Variants in SMAD9 observed in about 807,000 individuals in gnomAD.
SMAD9 encodes SMAD family member 9.
SMAD9 carries 36 observed loss-of-function variants against 46.1 expected under a neutral mutation model. The observed-to-expected ratio is 0.78, with a 90% CI of 0.60 to 1.03. The LOEUF (loss-of-function observed/expected upper bound fraction) is 1.03, where lower values mean the gene tolerates loss of function less well. Among genes scored for constraint, SMAD9 ranks in the 50% least tolerant of loss-of-function variants. The probability of loss-of-function intolerance (pLI) is 0.00; values close to 1 mark genes in which losing one functional copy is unlikely to be tolerated. For missense variants in SMAD9, 572 were observed against 599.8 expected, an observed-to-expected ratio of 0.95 and a Z score of 0.48; for synonymous variants, 245 against 237.1, an observed-to-expected ratio of 1.03 and a Z score of -0.31.
chr13:36,853,825 A>AGTTTAATGATAATCTG, intron 5 of SMAD9, 150 bp from the exon 6 acceptor site: 2 of 821,348 alleles, frequency 2.4e-6, no homozygotes, highest in Admixed American at 3.9e-5. Context: ...AATGCCGCTT[A>AGTTTAATGATAATCTG]GTTTAATGAT....
intron 2 of SMAD9, among the ~76,000 whole-genome samples, chr13:36,874,854 C>CAAAAAAAAAAA (rs529721275): frequency 1.5e-5 from 1 of 66,066 alleles, no homozygotes; most frequent in African/African-American, 6.1e-5. Flanking sequence ...GACTCCGTCC[C>CAAAAAAAAAAA]AAAAAAAAAA....
chr13:36,903,814 A>G (rs562445606), intron 1 of SMAD9, among the ~76,000 whole-genome samples: 20 of 152,314 alleles, frequency 1.3e-4, no homozygotes, highest in African/African-American at 4.3e-4. Flanking sequence ...GTCAAATTAA[A>G]TAACCTGGCA....
At chr13:36,890,875 T>C (rs1176340269) in intron 1 of SMAD9, among the ~76,000 whole-genome samples, 2 of 151,578 alleles carry the variant, frequency 1.3e-5, no homozygotes, top group Non-Finnish European at 2.9e-5. Context: ...ACAGGAGGAA[T>C]GTGAGCTGGT....
chr13:36,867,278 T>C lies in SMAD9; in HGVS notation c.776A>G (p.Asn259Ser). 1 of 1,537,344 alleles carries C rather than the reference T, an allele frequency of 6.5e-7. No homozygotes were observed. The highest frequency in any genetic ancestry group is 1.4e-5 in the African/African-American group (1 of 72,876). The change falls in exon 4 of 7, where the codon AAT becomes AGT. Residue 259 changes from asparagine (N) to serine (S), a missense_variant. Asn to Ser is a conservative substitution (Grantham distance 46, BLOSUM62 1). Coordinates refer to ENST00000379826, the MANE Select transcript of SMAD9 (RefSeq NM_001127217.3). ...ACTGTTCATCTGCAATTTACCTCCA[T>C]TTGGTATCGATAGCACTACATGTCT... ...ADRHVVLSIP[N>S]GDFRPVCYEE...
intron 6 of SMAD9, among the ~76,000 whole-genome samples, chr13:36,852,861 TC>T (rs766880648): frequency 6.6e-6 from 1 of 152,244 alleles, no homozygotes; most frequent in East Asian, 1.9e-4. Flanking sequence ...TACTTTATCA[TC>T]TGCATTAAAA....
At chr13:36,892,842 C>G (rs1443334657) in intron 1 of SMAD9, among the ~76,000 whole-genome samples, 1 of 152,178 alleles carries the variant, frequency 6.6e-6, no homozygotes, top group African/African-American at 2.4e-5. Flanking sequence ...TGCAAAATCT[C>G]AAACAGAATG....
intron 1 of SMAD9, among the ~76,000 whole-genome samples, chr13:36,890,071 A>G (rs2138570785): frequency 6.6e-6 from 1 of 152,356 alleles, no homozygotes; most frequent in South Asian, 2.1e-4. Context: ...CTTTTATTCA[A>G]TGAACATTTA....
intron 3 of SMAD9, among the ~76,000 whole-genome samples, chr13:36,870,651 AC>A (rs2058283546): frequency 6.6e-6 from 1 of 152,052 alleles, no homozygotes; most frequent in East Asian, 1.9e-4. Context: ...ACAGTCCGAG[AC>A]CCCCAGTGGC....
chr13:36,878,747 G>A (rs1317884885), intron 2 of SMAD9, among the ~76,000 whole-genome samples: 2 of 151,954 alleles, frequency 1.3e-5, no homozygotes, highest in Non-Finnish European at 2.9e-5. Flanking sequence ...GGCGGGGGGA[G>A]GAGGATGTTT....
chr13:36,912,006 T>C (rs2138698483), intron 1 of SMAD9, among the ~76,000 whole-genome samples: 1 of 152,184 alleles, frequency 6.6e-6, no homozygotes, highest in African/African-American at 2.4e-5. Flanking sequence ...CCGCACCCAG[T>C]CGGGGAAGCT....
At chr13:36,867,688 C>T (rs981897241) in intron 3 of SMAD9, among the ~76,000 whole-genome samples, 3 of 152,162 alleles carry the variant, frequency 2.0e-5, no homozygotes, top group Non-Finnish European at 2.9e-5. Flanking sequence ...CCTAGCTTTT[C>T]TCATAGCAGA....
In SMAD9 at chr13:36,848,638, G is replaced by A. The variant is rs2058050897; in HGVS notation, c.*38C>T. 6.2e-7 allele frequency: 1 copy of A among 1,603,366 alleles called. No homozygotes were observed. The highest frequency in any genetic ancestry group is 1.3e-5 in the African/African-American group (1 of 74,792). ...ATGATACAAGCCACTCCCTGCAATA[G>A]CCTCTATCCTATGGAAATGCAGCTT... On this transcript the variant is annotated 3_prime_UTR_variant, in exon 7 of 7. Transcript: ENST00000379826.
chr13:36,901,723 C>T (rs765859974), intron 1 of SMAD9, among the ~76,000 whole-genome samples: 24 of 152,142 alleles, frequency 1.6e-4, no homozygotes, highest in Non-Finnish European at 2.8e-4. Flanking sequence ...CCACTGTGCC[C>T]GGTCCACTGT....
chr13:36,898,964 A>G (rs1434750046), intron 1 of SMAD9, among the ~76,000 whole-genome samples: 2 of 152,216 alleles, frequency 1.3e-5, no homozygotes, highest in East Asian at 3.8e-4. Context: ...AAGATTAGAA[A>G]TGAAAAATTT....
chr13:36,880,842 T>C (rs1333290725), intron 1 of SMAD9, among the ~76,000 whole-genome samples: 1 of 152,196 alleles, frequency 6.6e-6, no homozygotes, highest in East Asian at 1.9e-4. Context: ...AATAAAAATA[T>C]TTTATGTTAA....
At chr13:36,904,484 C>T (rs928384848) in intron 1 of SMAD9, among the ~76,000 whole-genome samples, 31 of 152,148 alleles carry the variant, frequency 2.0e-4, no homozygotes, top group African/African-American at 7.2e-4. Flanking sequence ...ATTCCCTGGA[C>T]GGCAGTGACA....
chr13:36,882,271 G>A (rs1186393289), intron 1 of SMAD9, among the ~76,000 whole-genome samples: 2 of 150,202 alleles, frequency 1.3e-5, no homozygotes, highest in African/African-American at 2.5e-5. Flanking sequence ...ATGTGTGTGC[G>A]GTGTATGTGT....
At chr13:36,860,270 A>G (rs1222172572) in intron 5 of SMAD9, among the ~76,000 whole-genome samples, 2 of 152,134 alleles carry the variant, frequency 1.3e-5, no homozygotes, top group African/African-American at 4.8e-5. Context: ...AGAACTTGAG[A>G]TATACAAGAA....
At chr13:36,895,383 T>C (rs1480931793) in intron 1 of SMAD9, among the ~76,000 whole-genome samples, 3 of 152,208 alleles carry the variant, frequency 2.0e-5, no homozygotes, top group African/African-American at 7.2e-5. Flanking sequence ...TCTCAACTAC[T>C]GACATCTGAG....
Sources: gnomAD v4.1 joint callset for allele counts (sites outside exome capture counted in the v4.1 genomes callset) on GRCh38, gnomAD v4.1.1 for gene constraint, MANE v1.5 for transcripts, NCBI Gene and HGNC (gene_info 2026-07-23, HGNC 2026-07-21) for gene names.